The following HOMER2 variants were observed in gnomAD, a reference collection of about 807,000 sequenced individuals.
HOMER2 encodes the protein homer protein homolog 2.
HOMER2 carries 27 observed loss-of-function variants against 47.0 expected under a neutral mutation model. The ratio of observed to expected loss-of-function variants is 0.57; its 90% CI spans 0.42 to 0.79. The LOEUF is 0.79. Among genes scored for constraint, HOMER2 ranks in the 30% least tolerant of loss-of-function variants. The pLI is 0.00. For synonymous variants in HOMER2, 161 were observed against 163.8 expected, an observed-to-expected ratio of 0.98 and a Z score of 0.13; for missense variants, 443 against 435.0, an observed-to-expected ratio of 1.02 and a Z score of -0.16.
chr15:82,865,263 G>C (rs1326763531), intron 3 of HOMER2, among the ~76,000 whole-genome samples: 2 of 152,160 alleles, frequency 1.3e-5, no homozygotes, highest in African/African-American at 4.8e-5. Flanking sequence ...CTTAAAACAC[G>C]AGGTCCAGCA....
At chr15:82,893,507 A>T (rs1351314418) in intron 1 of HOMER2, among the ~76,000 whole-genome samples, 1 of 150,570 alleles carries the variant, frequency 6.6e-6, no homozygotes, top group Non-Finnish European at 1.5e-5. Flanking sequence ...TAATTTTTGT[A>T]TTTATAGTAG....
chr15:82,927,393 T>C (rs985154234), intron 1 of HOMER2, among the ~76,000 whole-genome samples: 2 of 152,200 alleles, frequency 1.3e-5, no homozygotes, highest in Non-Finnish European at 2.9e-5. Flanking sequence ...AATGAGTGAA[T>C]TATAATTGAG....
intron 2 of HOMER2, among the ~76,000 whole-genome samples, chr15:82,879,129 T>C (rs546278539): frequency 6.6e-6 from 1 of 152,330 alleles, no homozygotes; most frequent in African/African-American, 2.4e-5. Context: ...TTTGGCTCTT[T>C]CAAAAAAAAT....
At chr15:82,853,043 G>C (rs561793736) in intron 6 of HOMER2, among the ~76,000 whole-genome samples, 1 of 152,220 alleles carries the variant, frequency 6.6e-6, no homozygotes, top group South Asian at 2.1e-4. Flanking sequence ...AAGTCCCCCC[G>C]AACAGGCAGC....
chr15:82,911,366 T>C (rs1411781541), intron 1 of HOMER2, among the ~76,000 whole-genome samples: 2 of 152,166 alleles, frequency 1.3e-5, no homozygotes, highest in Non-Finnish European at 2.9e-5. Flanking sequence ...GGTTTCCAGG[T>C]AGCAGCAAGA....
chr15:82,903,458 C>CA (rs201337912), intron 1 of HOMER2, among the ~76,000 whole-genome samples: 154 of 151,076 alleles, frequency 1.0e-3, no homozygotes, highest in African/African-American at 2.9e-3. Context: ...ACTAAAAATA[C>CA]AAAAAAAAAT....
At chr15:82,919,280 C>T (rs1027099751) in intron 1 of HOMER2, among the ~76,000 whole-genome samples, 1 of 152,208 alleles carries the variant, frequency 6.6e-6, no homozygotes, top group Non-Finnish European at 1.5e-5. Context: ...CCTGCTCTAC[C>T]CAACACCTCT....
chr15:82,971,883 G>A (rs189067663), intron 1 of HOMER2, among the ~76,000 whole-genome samples: 2 of 152,244 alleles, frequency 1.3e-5, no homozygotes, highest in East Asian at 3.9e-4. Context: ...TAGATGTCTG[G>A]ACACTAAGAT....
At chr15:82,909,114 A>G (rs549645403) in intron 1 of HOMER2, among the ~76,000 whole-genome samples, 2 of 152,310 alleles carry the variant, frequency 1.3e-5, no homozygotes, top group African/African-American at 4.8e-5. Context: ...TGGGAAAGCC[A>G]GGAAAGAGTA....
intron 1 of HOMER2, among the ~76,000 whole-genome samples, chr15:82,914,252 C>A (rs1056060594): frequency 1.3e-5 from 2 of 150,368 alleles, no homozygotes; most frequent in African/African-American, 2.5e-5. Context: ...GTGGTGGGCA[C>A]CTGTAGTCCC....
chr15:82,981,425 G>A (rs2030393276), intron 1 of HOMER2, among the ~76,000 whole-genome samples: 1 of 152,150 alleles, frequency 6.6e-6, no homozygotes, highest in African/African-American at 2.4e-5. Context: ...ATGTAAAATG[G>A]CACAGCCATT....
chr15:82,895,978 A>G (rs2052899341), intron 1 of HOMER2, among the ~76,000 whole-genome samples: 1 of 152,126 alleles, frequency 6.6e-6, no homozygotes, highest in Non-Finnish European at 1.5e-5. Context: ...CTAAAAAAGA[A>G]AAAAAGAAGT....
At position 82,867,101 on chromosome 15, in the gene HOMER2, T is replaced by C. The variant is rs180941152; in HGVS notation, c.295-2842A>G. On this transcript the variant is annotated intron_variant, in intron 3 of 8. Transcript: ENST00000450735. ...ATATAATTGAGATAACTTTAGTAAA[T>C]TGAGAGAAATGAATTTAAATCCCAC... is the stretch of plus-strand genomic sequence containing the variant. 9.4e-4 allele frequency among the ~76,000 whole-genome samples: 143 copies of C among 152,084 alleles called. 1 individual carries two copies. The highest frequency in any genetic ancestry group is 2.5e-3 in the Admixed American group (38 of 15,268).
intron 1 of HOMER2, among the ~76,000 whole-genome samples, chr15:82,948,019 CA>C (rs1004393849): frequency 1.3e-5 from 2 of 152,088 alleles, no homozygotes; most frequent in African/African-American, 4.8e-5. Context: ...CTGAGGTGGG[CA>C]GATCATTTGA....
intron 1 of HOMER2, chr15:82,952,191 G>C: frequency 2.9e-6 from 1 of 340,476 alleles, no homozygotes. Flanking sequence ...AGGCCCTGGA[G>C]TTGACTGCGC....
chr15:82,907,651 C>G (rs889099836), intron 1 of HOMER2, among the ~76,000 whole-genome samples: 1 of 152,136 alleles, frequency 6.6e-6, no homozygotes, highest in Non-Finnish European at 1.5e-5. Flanking sequence ...CACCTACAGA[C>G]TATTGATCCA....
At chr15:82,898,664 G>C (rs1192418011) in intron 1 of HOMER2, among the ~76,000 whole-genome samples, 2 of 152,150 alleles carry the variant, frequency 1.3e-5, no homozygotes, top group Non-Finnish European at 2.9e-5. Flanking sequence ...ATGTATGTTT[G>C]GAATATGAAA....
intron 1 of HOMER2, among the ~76,000 whole-genome samples, chr15:82,945,565 A>G (rs1454671185): frequency 6.6e-6 from 1 of 152,072 alleles, no homozygotes. Context: ...ATGACAAGTA[A>G]TTTTCACTTC....
chr15:82,967,672 G>A (rs1244370473), intron 1 of HOMER2, among the ~76,000 whole-genome samples: 3 of 152,184 alleles, frequency 2.0e-5, no homozygotes, highest in Non-Finnish European at 4.4e-5. Context: ...TCAGGAGTTC[G>A]AGACCAGCCT....
Sources: allele counts gnomAD v4.1 joint callset (sites outside exome capture counted in the v4.1 genomes callset), GRCh38; gene constraint gnomAD v4.1.1; transcripts MANE v1.5; gene names NCBI Gene and HGNC (gene_info 2026-07-23, HGNC 2026-07-21).